The following TLE7 variants were observed in gnomAD, a reference collection of about 807,000 sequenced individuals.
TLE7 encodes the protein TLE family member 7, also known as transducin-like enhancer protein 7.
In TLE7 at chr16:71,433,420, C is replaced by T; in HGVS notation, c.-96G>A. ...CCAGGTTCCCAGTGTGTCCTGATCC[C>T]CTGTAAGGTGAAAAAAAAGAGACGC... On this transcript the variant is annotated splice_region_variant and 5_prime_UTR_variant, in exon 2 of 10. Transcript: ENST00000561754. The T allele has an allele frequency of 2.5e-6, 1 of 397,900 alleles. No individual in the cohort carries two copies. The highest frequency in any genetic ancestry group is 4.4e-6 in the Non-Finnish European group (1 of 226,052). 24.6% of individuals were successfully genotyped at this position (397,900 alleles called of 1,614,324 possible).
chr16:71,430,613 C>G (rs906658025), intron 9 of TLE7, 55 bp downstream of exon 9: 1 of 398,226 alleles, frequency 2.5e-6, no homozygotes, highest in Non-Finnish European at 4.4e-6. Context: ...CCAACTGGGA[C>G]CTGGAGCTAC....
chr16:71,430,455 C>A (rs953024388), intron 9 of TLE7, 89 bp from the exon 10 acceptor site: 4 of 398,338 alleles, frequency 1.0e-5, no homozygotes, highest in Admixed American at 4.4e-5. Context: ...TCAGTGTAGA[C>A]CTAAGGCTCA....
At position 71,433,355 on chromosome 16, in the gene TLE7, C is replaced by G. The variant is rs1214454509; in HGVS notation, c.-31G>C. The G allele has an allele frequency of 1.0e-5, 4 of 398,518 alleles. No homozygotes were observed. The highest frequency in any genetic ancestry group is 1.8e-5 in the Non-Finnish European group (4 of 226,116). The allele number at this position is 398,518 out of a possible 1,614,324, so 24.7% of individuals were successfully genotyped here. A position where few individuals can be genotyped will look rare whatever the true frequency, so the allele number is the denominator to read the frequency against. On this transcript the variant is annotated 5_prime_UTR_variant, in exon 2 of 10. Transcript: ENST00000561754. ...TAGATCAGTGAGGTGTCTGGACCAC[C>G]CGGTTCTAGGACTTGACAAATAGAC... is the stretch of plus-strand genomic sequence containing the variant.
intron 1 of TLE7, among the ~76,000 whole-genome samples, chr16:71,435,309 G>T (rs948473136): frequency 6.6e-6 from 1 of 152,190 alleles, no homozygotes; most frequent in Non-Finnish European, 1.5e-5. Flanking sequence ...TACTCAGGAG[G>T]CTGAGGCAGG....
chr16:71,437,350 G>GAAAAA (rs57942255), intron 1 of TLE7, among the ~76,000 whole-genome samples: 3 of 89,664 alleles, frequency 3.3e-5, no homozygotes, highest in Admixed American at 2.7e-4. Flanking sequence ...CTCTGTCTCA[G>GAAAAA]AAAAAAAAAA....
intron 1 of TLE7, among the ~76,000 whole-genome samples, chr16:71,434,821 C>G (rs187081675): frequency 6.6e-6 from 1 of 152,152 alleles, no homozygotes. Flanking sequence ...AGGCAATATC[C>G]GCCATTATTA....
At chr16:71,440,755 A>G (rs1342741880) in intron 1 of TLE7, among the ~76,000 whole-genome samples, 1 of 152,230 alleles carries the variant, frequency 6.6e-6, no homozygotes, top group Non-Finnish European at 1.5e-5. Context: ...TAGTGGGCCA[A>G]CACAAAGGTC....
At chr16:71,435,031 T>C (rs897515188) in intron 1 of TLE7, among the ~76,000 whole-genome samples, 1 of 152,266 alleles carries the variant, frequency 6.6e-6, no homozygotes, top group Admixed American at 6.5e-5. Flanking sequence ...GGCAGATGTC[T>C]GGCCAATGCC....
chr16:71,435,498 G>A (rs1031043844), intron 1 of TLE7, among the ~76,000 whole-genome samples: 1 of 152,194 alleles, frequency 6.6e-6, no homozygotes, highest in African/African-American at 2.4e-5. Context: ...ATAAGTGGGT[G>A]AAAACTGCAA....
At position 71,431,684 on chromosome 16, in the gene TLE7, A is replaced by C. The variant is rs961639208; in HGVS notation, c.851+77T>G. 1.2e-4 allele frequency: 47 copies of C among 400,276 alleles called. No individual in the cohort carries two copies. The highest frequency in any genetic ancestry group is 2.0e-4 in the Non-Finnish European group (45 of 226,318). The allele number at this position is 400,276 out of a possible 1,614,324, so 24.8% of individuals were successfully genotyped here. On this transcript the variant is annotated intron_variant, in intron 6 of 9. Coordinates refer to ENST00000561754, the MANE Select transcript of TLE7 (RefSeq NM_001367365.2). This position sits in a 1 kb window ranked among gnomAD's most constrained non-coding sequence, Gnocchi z 4.5. ...CTTCTACACTGACTCGCCCAGCCCT[A>C]ATGCAAAGAGGGGAAAGAGCCTCAC...
rs547290830 is a variant in TLE7, at chr16:71,440,825, C to A, written c.-97+1144G>T. ...GAGCCTCCAGATCTTTATTTGAGGG[C>A]TGACGCGCCCTCTGGCGGGCACCTG... On this transcript the variant is annotated intron_variant, in intron 1 of 9. Coordinates refer to ENST00000561754, the MANE Select transcript of TLE7 (RefSeq NM_001367365.2). Among the ~76,000 whole-genome samples the A allele has an allele frequency of 1.1e-4, 17 of 152,316 alleles. 1 individual carries two copies. The East Asian group carries it at 3.3e-3, about 29-fold the overall frequency.
intron 1 of TLE7, among the ~76,000 whole-genome samples, chr16:71,435,057 G>T (rs146323581): frequency 6.6e-6 from 1 of 152,320 alleles, no homozygotes; most frequent in East Asian, 1.9e-4. Flanking sequence ...GGCCATGGGA[G>T]GAGACTGGTG....
intron 1 of TLE7, among the ~76,000 whole-genome samples, chr16:71,436,062 C>T (rs1414776460): frequency 2.0e-5 from 3 of 152,190 alleles, no homozygotes; most frequent in Non-Finnish European, 2.9e-5. Context: ...GAGCTAGGAA[C>T]ACAGAGCTCC....
At chr16:71,438,269 T>C (rs2042833940) in intron 1 of TLE7, among the ~76,000 whole-genome samples, 1 of 151,616 alleles carries the variant, frequency 6.6e-6, no homozygotes, top group African/African-American at 2.4e-5. Flanking sequence ...CCGTCTCTAA[T>C]AAAAATACAA....
Position 71,439,666 on chromosome 16 carries a change from T to C in TLE7, c.-97+2303A>G, listed in dbSNP as rs544270743. Among the ~76,000 whole-genome samples the C allele has an allele frequency of 5.3e-5, 8 of 152,248 alleles. No individual in the cohort carries two copies. The East Asian group carries it at 7.7e-4, about 15-fold the overall frequency. On this transcript the variant is annotated intron_variant, in intron 1 of 9. Transcript: ENST00000561754. ...AAATGGAAATCAAAGCCACATGTAA[T>C]AGATCACTTCACACACCCTAGGATG...
At chr16:71,432,587 T>G (rs535503455) in intron 4 of TLE7, 78 bp downstream of exon 4, 6 of 398,194 alleles carry the variant, frequency 1.5e-5, no homozygotes, top group Non-Finnish European at 2.7e-5. Flanking sequence ...GGAGAGAGAG[T>G]GAAAGTGTGG....
Position 71,431,517 on chromosome 16 carries a change from G to A in TLE7, c.897C>T (p.Thr299=), listed in dbSNP as rs1159454484. The A allele has an allele frequency of 1.7e-5, 7 of 400,564 alleles. 1 individual carries two copies. Among genetic ancestry groups the A allele is most frequent in the Admixed American group, 4.4e-5 (1 of 22,714 alleles). The allele number at this position is 400,564 out of a possible 1,614,324, so 24.8% of individuals were successfully genotyped here. Residue 299 remains threonine (T), a synonymous_variant, in exon 7 of 10, where the codon ACC becomes ACT. Coordinates refer to ENST00000561754, the MANE Select transcript of TLE7 (RefSeq NM_001367365.2). This position sits in a 1 kb window ranked among gnomAD's most constrained non-coding sequence, Gnocchi z 4.5. ...PVYGSRCVDI[T]GNIFWTGGED... The stretch of plus-strand genomic sequence containing the variant: ...CACCTCCTGTCCAGAATATATTGCC[G>A]GTGATGTCCACACATCGGGACCCGT...
rs1394465905 is a variant in TLE7 at position 71,432,852 on chromosome 16, A to G, written c.334+18T>C. On this transcript the variant is annotated intron_variant, in intron 3 of 9. Coordinates refer to ENST00000561754, the MANE Select transcript of TLE7 (RefSeq NM_001367365.2). ...CCCAGCTTGGGCAACCACACGCACC[A>G]CTATGACTGGTACTCACCAACCTCA... The G allele has an allele frequency of 1.3e-5, 5 of 399,140 alleles. No homozygotes were observed. Among genetic ancestry groups the G allele is most frequent in the Non-Finnish European group, 2.2e-5 (5 of 226,520 alleles). 24.7% of individuals were successfully genotyped at this position (399,140 alleles called of 1,614,324 possible). A position where few individuals can be genotyped will look rare whatever the true frequency, so the allele number is the denominator to read the frequency against.
chr16:71,430,973 G>A, intron 8 of TLE7, 148 bp downstream of exon 8: 1 of 399,088 alleles, frequency 2.5e-6, no homozygotes, highest in Non-Finnish European at 4.4e-6. Context: ...CGCCTCTTCA[G>A]TCTGCCTGAG....
Sources: gnomAD v4.1 joint callset for allele counts (sites outside exome capture counted in the v4.1 genomes callset) on GRCh38, gnomAD v4.1.1 for gene constraint, Gnocchi (gnomAD v3.1) non-coding constraint, MANE v1.5 for transcripts, NCBI Gene and HGNC (gene_info 2026-07-23, HGNC 2026-07-21) for gene names.